The following PAX2 variants were observed in gnomAD, a reference collection of about 807,000 sequenced individuals.
PAX2 encodes paired box protein Pax-2.
PAX2 carries 9 observed loss-of-function variants against 41.7 expected under a neutral mutation model. The ratio of observed to expected loss-of-function variants is 0.22; its 90% CI spans 0.13 to 0.38. The LOEUF (loss-of-function observed/expected upper bound fraction) is 0.38, where lower values mean the gene tolerates loss of function less well. Ranked by LOEUF, PAX2 falls within the 10% of genes least tolerant of loss-of-function variation. The pLI is 1.00. For synonymous variants in PAX2, 221 were observed against 212.7 expected (o/e 1.04, Z -0.34); for missense variants, 418 against 531.6 (o/e 0.79, Z 2.10).
intron 1 of PAX2, 71 bp from the exon 2 acceptor site, chr10:100,749,675 C>T: frequency 6.4e-7 from 1 of 1,557,820 alleles, no homozygotes; most frequent in African/African-American, 1.4e-5. Flanking sequence ...CCGTCCCGGG[C>T]CGCGGACCCT....
chr10:100,744,980 G>C (rs978361543), upstream of PAX2, among the ~76,000 whole-genome samples: 1 of 151,824 alleles, frequency 6.6e-6, no homozygotes, highest in Non-Finnish European at 1.5e-5. Context: ...CGGAGGGAAA[G>C]GCCAAAGGGA....
At chr10:100,776,594 C>T (rs1846395295) in intron 3 of PAX2, among the ~76,000 whole-genome samples, 1 of 152,194 alleles carries the variant, frequency 6.6e-6, no homozygotes, top group African/African-American at 2.4e-5. Flanking sequence ...ACACTCCTTT[C>T]CCCGGTCCCT....
At position 100,827,849 on chromosome 10, in the gene PAX2, C is replaced by A. The variant is rs939538720; in HGVS notation, c.*230C>A. The A allele has an allele frequency of 1.5e-5, 9 of 600,490 alleles. No homozygotes were observed. The highest frequency in any genetic ancestry group is 5.8e-5 in the African/African-American group (3 of 51,490). The allele number at this position is 600,490 out of a possible 1,614,324, so 37.2% of individuals were successfully genotyped here. On this transcript the variant is annotated 3_prime_UTR_variant, in exon 10 of 10. Transcript: ENST00000355243. The surrounding 1 kb of genome is among the most constrained non-coding windows in gnomAD (Gnocchi z 8.5). ...GACCCTCAGGCCCGGGCCCGCCGCC[C>A]CCAGCCCCGCCTGCCGCCCCTCCCC... is the stretch of plus-strand genomic sequence containing the variant.
upstream of PAX2, among the ~76,000 whole-genome samples, chr10:100,742,782 T>TGTTTGGGG (rs1212744769): frequency 6.7e-6 from 1 of 149,230 alleles, no homozygotes; most frequent in East Asian, 2.0e-4. Flanking sequence ...GCCCGGGTAG[T>TGTTTGGGG]GTTTGGGGTT....
chr10:100,819,781 T>G (rs774589187), intron 7 of PAX2, among the ~76,000 whole-genome samples: 1 of 152,232 alleles, frequency 6.6e-6, no homozygotes, highest in Non-Finnish European at 1.5e-5. Context: ...ACCTGATGAC[T>G]ACAATTTTTC....
intron 3 of PAX2, among the ~76,000 whole-genome samples, chr10:100,773,702 T>C (rs1482960144): frequency 6.6e-6 from 1 of 152,178 alleles, no homozygotes; most frequent in East Asian, 1.9e-4. Context: ...GGAGAATTGA[T>C]ATACCTGCTC....
intron 5 of PAX2, chr10:100,787,158 C>T: frequency 2.5e-6 from 1 of 402,062 alleles, no homozygotes; most frequent in Non-Finnish European, 5.0e-6. Context: ...GACCTGGAGG[C>T]TAACAGAGTC....
chr10:100,827,736 G>GC lies in PAX2; in HGVS notation c.*121dup, dbSNP rs1183939519. 1 of 1,568,980 alleles carries GC rather than the reference G, an allele frequency of 6.4e-7. No homozygotes were observed. Among genetic ancestry groups the GC allele is most frequent in the African/African-American group, 1.4e-5 (1 of 73,852 alleles). On this transcript the variant is annotated 3_prime_UTR_variant, in exon 10 of 10. Coordinates refer to ENST00000355243, the MANE Select transcript of PAX2 (RefSeq NM_000278.5). The surrounding 1 kb of genome is among the most constrained non-coding windows in gnomAD (Gnocchi z 8.5). Reference sequence around the variant, plus strand: ...CGCGACGCGATGCCTCCCGGCCACCGCCCCAGCCTCACCCCATCCCACGAC... The same window carrying GC: ...CGCGACGCGATGCCTCCCGGCCACCGCCCCCAGCCTCACCCCATCCCACGAC...
intron 7 of PAX2, among the ~76,000 whole-genome samples, chr10:100,823,270 G>GTAACAGA (rs1055844170): frequency 4.6e-5 from 7 of 152,160 alleles, no homozygotes; most frequent in African/African-American, 1.7e-4. Flanking sequence ...TAGGTTTGAG[G>GTAACAGA]TAACAGAGGG....
At chr10:100,758,005 C>T (rs1374731409) in intron 3 of PAX2, among the ~76,000 whole-genome samples, 2 of 152,172 alleles carry the variant, frequency 1.3e-5, no homozygotes, top group Non-Finnish European at 1.5e-5. Context: ...GGCACATCCG[C>T]AATCAACCAT....
intron 3 of PAX2, among the ~76,000 whole-genome samples, chr10:100,763,089 T>A (rs1165313604): frequency 1.3e-5 from 2 of 152,268 alleles, no homozygotes; most frequent in Non-Finnish European, 2.9e-5. Context: ...GAACACTGCC[T>A]GCTTGACTGG....
chr10:100,745,969 C>T lies in PAX2; in HGVS notation c.-292C>T. ...AGCTGCAGCGCGAGCCATGCGCCCC[C>T]AGTGCACCCCGGCCCGGCCCACCGC... is the stretch of plus-strand genomic sequence containing the variant. On this transcript the variant is annotated 5_prime_UTR_variant, in exon 1 of 10. The change creates a premature stop within an existing upstream ORF in the 5' untranslated region. Transcript: ENST00000355243. 2 of 1,316,992 alleles carry T rather than the reference C, an allele frequency of 1.5e-6. No individual in the cohort carries two copies. The highest frequency in any genetic ancestry group is 1.9e-6 in the Non-Finnish European group (2 of 1,036,092). The allele number at this position is 1,316,992 out of a possible 1,614,324, so 81.6% of individuals were successfully genotyped here.
At chr10:100,743,307 A>G (rs1236200501), upstream of PAX2, among the ~76,000 whole-genome samples, 1 of 152,184 alleles carries the variant, frequency 6.6e-6, no homozygotes, top group African/African-American at 2.4e-5. Context: ...TCTCTACAAA[A>G]TGGAAAATCC....
intron 6 of PAX2, among the ~76,000 whole-genome samples, chr10:100,807,782 G>A (rs1326406335): frequency 6.6e-6 from 1 of 152,230 alleles, no homozygotes; most frequent in Non-Finnish European, 1.5e-5. Context: ...TGCTGTGCTT[G>A]CATGCATGCA....
intron 3 of PAX2, among the ~76,000 whole-genome samples, chr10:100,766,645 T>C (rs561509338): frequency 6.6e-6 from 1 of 152,300 alleles, no homozygotes; most frequent in East Asian, 1.9e-4. Flanking sequence ...CCAAGAAGAA[T>C]AGAATCGTAT....
intron 3 of PAX2, among the ~76,000 whole-genome samples, chr10:100,753,547 G>A (rs944540325): frequency 6.6e-6 from 1 of 152,210 alleles, no homozygotes; most frequent in Non-Finnish European, 1.5e-5. Flanking sequence ...GGTGCACCGG[G>A]GAACGGGTGG....
intron 3 of PAX2, among the ~76,000 whole-genome samples, chr10:100,772,009 C>T (rs1589836889): frequency 6.6e-6 from 1 of 151,822 alleles, no homozygotes; most frequent in South Asian, 2.1e-4. Context: ...GTTTCACCAT[C>T]TTGGCCAGGC....
At chr10:100,785,056 A>G (rs1000003793) in intron 5 of PAX2, among the ~76,000 whole-genome samples, 2 of 152,184 alleles carry the variant, frequency 1.3e-5, no homozygotes, top group Non-Finnish European at 2.9e-5. Flanking sequence ...CATTCATATC[A>G]TTCAAAAATC....
At chr10:100,746,355 C>G (rs1845173775) in intron 1 of PAX2, 52 bp downstream of exon 1, 2 of 1,257,530 alleles carry the variant, frequency 1.6e-6, no homozygotes, top group East Asian at 4.6e-5. Flanking sequence ...CCGTCCCAAC[C>G]CTGTCCAGTC....
Sources: gnomAD v4.1 joint callset for allele counts (sites outside exome capture counted in the v4.1 genomes callset) on GRCh38, gnomAD v4.1.1 for gene constraint, Gnocchi (gnomAD v3.1) non-coding constraint, MANE v1.5 for transcripts, NCBI Gene and HGNC (gene_info 2026-07-23, HGNC 2026-07-21) for gene names.